Variants in SOX5 observed in about 807,000 individuals in gnomAD.
SOX5 encodes SRY-box transcription factor 5.
SOX5 carries 9 observed loss-of-function variants against 92.0 expected under a neutral mutation model. That is an observed-to-expected ratio of 0.10 (90% CI 0.06 to 0.17). The LOEUF (loss-of-function observed/expected upper bound fraction) is 0.17, where lower values mean the gene tolerates loss of function less well. Among genes scored for constraint, SOX5 ranks in the 10% least tolerant of loss-of-function variants. The pLI is 1.00. For missense variants in SOX5, 642 were observed against 944.5 expected, an observed-to-expected ratio of 0.68 and a Z score of 4.20; for synonymous variants, 344 against 336.3, an observed-to-expected ratio of 1.02 and a Z score of -0.25.
intron 4 of SOX5, among the ~76,000 whole-genome samples, chr12:24,064,385 T>C (rs1180869517): frequency 1.3e-5 from 2 of 152,218 alleles, no homozygotes; most frequent in Non-Finnish European, 2.9e-5. Context: ...TTTGAACATC[T>C]GGTAACCACG....
chr12:24,356,951 C>T (rs1954909292), intron 2 of SOX5, among the ~76,000 whole-genome samples: 1 of 152,148 alleles, frequency 6.6e-6, no homozygotes, highest in South Asian at 2.1e-4. Flanking sequence ...AACATTAACC[C>T]TTTTGACAGA....
upstream of SOX5, among the ~76,000 whole-genome samples, chr12:23,955,580 A>G (rs1220879112): frequency 1.3e-5 from 2 of 152,182 alleles, no homozygotes; most frequent in Admixed American, 6.5e-5. Context: ...CAATTAGGAA[A>G]ATAAGACCTA....
At chr12:24,433,724 GAGA>G (rs1265882392) in intron 1 of SOX5, among the ~76,000 whole-genome samples, 9 of 152,268 alleles carry the variant, frequency 5.9e-5, no homozygotes, top group Admixed American at 3.9e-4. Context: ...TGACAGCAGT[GAGA>G]AGAAGAAAAT....
intron 4 of SOX5, among the ~76,000 whole-genome samples, chr12:24,152,076 G>A (rs1951713612): frequency 6.6e-6 from 1 of 152,046 alleles, no homozygotes; most frequent in Non-Finnish European, 1.5e-5. Flanking sequence ...CAACTGATTT[G>A]TTTTCCAACA....
chr12:24,247,800 G>A (rs767325050), intron 3 of SOX5, among the ~76,000 whole-genome samples: 4 of 151,568 alleles, frequency 2.6e-5, no homozygotes, highest in Non-Finnish European at 5.9e-5. Context: ...ACAGGTGCCC[G>A]CTACTACACC....
chr12:24,114,352 AGATG>A (rs1409565962), intron 4 of SOX5, among the ~76,000 whole-genome samples: 1 of 152,056 alleles, frequency 6.6e-6, no homozygotes. Context: ...TGAAGTGAGC[AGATG>A]GATTGAGCTC....
In SOX5 at chr12:23,570,923, AAAAAAAAATATATATATATATAT is replaced by A. The variant is rs1443163765; in HGVS notation, c.1342+4715_1342+4737del. Among the ~76,000 whole-genome samples the A allele has an allele frequency of 7.9e-3, 334 of 42,212 alleles. 21 individuals are homozygous for A. The highest frequency in any genetic ancestry group is 0.026 in the African/African-American group (281 of 10,978). 27.7% of individuals were successfully genotyped at this position (42,212 alleles called of 152,430 possible). On this transcript the variant is annotated intron_variant, in intron 10 of 14. Transcript: ENST00000451604. The stretch of plus-strand genomic sequence containing the variant: ...AAGACTCCAACTCAAAAAAAAAAAA[AAAAAAAAATATATATATATATAT>A]ATATATATATATATATATATATATA...
chr12:23,811,154 C>A (rs1473783288), intron 3 of SOX5, among the ~76,000 whole-genome samples: 1 of 152,054 alleles, frequency 6.6e-6, no homozygotes, highest in African/African-American at 2.4e-5. Flanking sequence ...AGTCTGAAAG[C>A]AGAAGTGTTC....
intron 1 of SOX5, among the ~76,000 whole-genome samples, chr12:24,521,746 A>T (rs1950281579): frequency 1.3e-5 from 2 of 152,358 alleles, no homozygotes; most frequent in Middle Eastern, 3.4e-3. Flanking sequence ...AAATATAAGA[A>T]GTATCTTGAG....
chr12:23,670,349 G>A (rs915346656), intron 6 of SOX5, among the ~76,000 whole-genome samples: 1 of 152,172 alleles, frequency 6.6e-6, no homozygotes, highest in Admixed American at 6.6e-5. Flanking sequence ...TTCTTCAGAG[G>A]AAGTTGATGA....
chr12:24,505,858 T>TGTGTGTGTGTGCGCGC (rs1196611163), intron 1 of SOX5, among the ~76,000 whole-genome samples: 125 of 71,162 alleles, frequency 1.8e-3, no homozygotes, highest in East Asian at 8.8e-3. Context: ...TGTGTGCGTG[T>TGTGTGTGTGTGCGCGC]GTGTGTGTGT....
At chr12:24,429,676 TCAAAA>T (rs1937905483) in intron 1 of SOX5, among the ~76,000 whole-genome samples, 2 of 151,804 alleles carry the variant, frequency 1.3e-5, no homozygotes. Flanking sequence ...GCCCTCCAAC[TCAAAA>T]CTAAAGTGTT....
intron 11 of SOX5, among the ~76,000 whole-genome samples, chr12:23,553,685 T>C (rs1944631987): frequency 6.6e-6 from 1 of 152,068 alleles, no homozygotes; most frequent in Non-Finnish European, 1.5e-5. Flanking sequence ...GAAGGGTTAA[T>C]GTGAGAAAAT....
upstream of SOX5, chr12:23,950,736 G>T: frequency 1.3e-6 from 1 of 779,766 alleles, no homozygotes; most frequent in Non-Finnish European, 2.1e-6. Flanking sequence ...TTCTAAGCTG[G>T]CTGGCAAGGC....
At chr12:23,848,244 A>G (rs1190166039) in intron 2 of SOX5, among the ~76,000 whole-genome samples, 1 of 152,190 alleles carries the variant, frequency 6.6e-6, no homozygotes, top group Non-Finnish European at 1.5e-5. Flanking sequence ...GAAAATTACA[A>G]TGAAATCAAG....
intron 1 of SOX5, among the ~76,000 whole-genome samples, chr12:23,925,273 C>T (rs17399987): frequency 0.031 from 4,731 of 152,130 alleles, 99 homozygotes; most frequent in Non-Finnish European, 0.048. Context: ...GTGTGTGTTA[C>T]ATTTGAATAA....
Position 23,646,539 on chromosome 12 carries a change from T to A in SOX5, c.932-5642A>T, listed in dbSNP as rs894944501. On this transcript the variant is annotated intron_variant, in intron 7 of 14. Coordinates refer to ENST00000451604, the MANE Select transcript of SOX5 (RefSeq NM_006940.6). ...CTCTTCCTTTCACAAAAGATCTCTC[T>A]GTAGCATGTGATGCTAATTGATAGC... 3.9e-5 allele frequency among the ~76,000 whole-genome samples: 6 copies of A among 152,336 alleles called. No homozygotes were observed. In the South Asian group the frequency reaches 6.2e-4, roughly 16 times the overall value.
At chr12:24,006,380 T>TC (rs1315833666) in intron 4 of SOX5, among the ~76,000 whole-genome samples, 1 of 152,204 alleles carries the variant, frequency 6.6e-6, no homozygotes, top group African/African-American at 2.4e-5. Context: ...CTTGTGGGGT[T>TC]CCATTATCCT....
chr12:24,397,627 C>A (rs1369891033), intron 1 of SOX5, among the ~76,000 whole-genome samples: 1 of 150,128 alleles, frequency 6.7e-6, no homozygotes, highest in Non-Finnish European at 1.5e-5. Flanking sequence ...AAAGAGAAGA[C>A]AAATTATAAA....
Sources: allele counts gnomAD v4.1 joint callset (sites outside exome capture counted in the v4.1 genomes callset), GRCh38; gene constraint gnomAD v4.1.1; transcripts MANE v1.5; gene names NCBI Gene and HGNC (gene_info 2026-07-23, HGNC 2026-07-21).